FOXN3: variants seen among roughly 807,000 people sequenced by gnomAD.
FOXN3 encodes the protein forkhead box protein N3.
In FOXN3, 7 loss-of-function variants were observed where a neutral mutation model predicts 38.4. The observed-to-expected ratio is 0.18, with a 90% CI of 0.10 to 0.34. The LOEUF (loss-of-function observed/expected upper bound fraction) is 0.34, where lower values mean the gene tolerates loss of function less well. FOXN3 is among the 10% of genes least tolerant of loss of function. The pLI is 1.00. For synonymous variants in FOXN3, 230 were observed against 242.2 expected (o/e 0.95, Z 0.47); for missense variants, 456 against 613.4 (o/e 0.74, Z 2.71).
At chr14:89,173,023 A>T (rs1483841463) in intron 5 of FOXN3, among the ~76,000 whole-genome samples, 1 of 152,184 alleles carries the variant, frequency 6.6e-6, no homozygotes, top group African/African-American at 2.4e-5. Context: ...AAAGAGAGTG[A>T]AAAGACCATC....
rs140065240 is a variant in FOXN3, at chr14:89,221,633, T to C, written c.746-40827A>G. ...AACTTCCTCACTGGATCAAAGGCCT[T>C]TGTCAGACTTTCGCCACTGTTTGTC... On this transcript the variant is annotated intron_variant, in intron 4 of 5. Transcript: ENST00000557258. Among the ~76,000 whole-genome samples the C allele has an allele frequency of 4.0e-3, 606 of 152,308 alleles. 7 individuals carry two copies. Among genetic ancestry groups the C allele is most frequent in the African/African-American group, 0.014 (586 of 41,562 alleles).
At chr14:89,357,163 C>G (rs1451509356) in intron 2 of FOXN3, among the ~76,000 whole-genome samples, 1 of 152,090 alleles carries the variant, frequency 6.6e-6, no homozygotes, top group African/African-American at 2.4e-5. Flanking sequence ...CCAGCCTGGG[C>G]AATACAGTGA....
upstream of FOXN3, chr14:89,419,845 A>G (rs1285117415): frequency 6.6e-6 from 1 of 152,274 alleles, no homozygotes; most frequent in East Asian, 1.9e-4. Context: ...ATAGTTAAGT[A>G]TAAAACCCGA....
At chr14:89,541,137 T>C (rs1424516553) in intron 1 of FOXN3, among the ~76,000 whole-genome samples, 1 of 152,178 alleles carries the variant, frequency 6.6e-6, no homozygotes, top group African/African-American at 2.4e-5. Flanking sequence ...TTGTTGGATA[T>C]ATGAATGGAA....
At chr14:89,236,196 G>A (rs1337269525) in intron 4 of FOXN3, among the ~76,000 whole-genome samples, 1 of 152,208 alleles carries the variant, frequency 6.6e-6, no homozygotes, top group African/African-American at 2.4e-5. Flanking sequence ...TCACAAGAGC[G>A]ACTGGAAGCC....
intron 4 of FOXN3, among the ~76,000 whole-genome samples, chr14:89,204,074 C>T (rs1041832745): frequency 1.3e-5 from 2 of 148,172 alleles, no homozygotes; most frequent in Non-Finnish European, 3.1e-5. Flanking sequence ...CACACACACA[C>T]ACACACACAC....
chr14:89,552,278 T>G (rs923556461), intron 1 of FOXN3, among the ~76,000 whole-genome samples: 2 of 152,246 alleles, frequency 1.3e-5, no homozygotes, highest in Admixed American at 6.5e-5. Context: ...AGAAAAATTC[T>G]GTGAAAATAT....
At chr14:89,233,298 G>A (rs1423464331) in intron 4 of FOXN3, among the ~76,000 whole-genome samples, 1 of 152,150 alleles carries the variant, frequency 6.6e-6, no homozygotes, top group East Asian at 1.9e-4. Context: ...CACCCTGCAG[G>A]AGGAGGACAG....
intron 2 of FOXN3, among the ~76,000 whole-genome samples, chr14:89,398,226 G>C (rs141617062): frequency 1.7e-3 from 255 of 152,230 alleles, no homozygotes; most frequent in Non-Finnish European, 2.8e-3. Context: ...GTCATCCCCA[G>C]TCCCCAGGAT....
At chr14:89,216,601 A>G (rs1462967370) in intron 4 of FOXN3, among the ~76,000 whole-genome samples, 2 of 152,098 alleles carry the variant, frequency 1.3e-5, no homozygotes, top group African/African-American at 4.8e-5. Flanking sequence ...GCTCTTCTCC[A>G]TCCTTCAAGA....
intron 2 of FOXN3, among the ~76,000 whole-genome samples, chr14:89,374,290 A>AAAAAAAAAAG (rs60304712): frequency 6.3e-5 from 8 of 126,160 alleles, no homozygotes; most frequent in East Asian, 2.7e-4. Flanking sequence ...AAAAAAAAAA[A>AAAAAAAAAAG]GAAGGAAGGA....
intron 1 of FOXN3, among the ~76,000 whole-genome samples, chr14:89,552,259 A>G (rs990225104): frequency 5.3e-5 from 8 of 152,314 alleles, no homozygotes; most frequent in African/African-American, 1.9e-4. Context: ...TGTTTACTGA[A>G]GTGGGGCCAG....
At chr14:89,280,891 G>A in intron 4 of FOXN3, 59 bp downstream of exon 4, 8 of 1,443,488 alleles carry the variant, frequency 5.5e-6, no homozygotes, top group Non-Finnish European at 7.8e-6. Context: ...GCACAAAGGA[G>A]TGATGAAAGG....
chr14:89,196,943 T>C (rs1888113920), intron 4 of FOXN3, among the ~76,000 whole-genome samples: 1 of 152,202 alleles, frequency 6.6e-6, no homozygotes, highest in African/African-American at 2.4e-5. Flanking sequence ...CTTCAGCACC[T>C]CTGAGCTGAC....
At chr14:89,350,851 T>A in intron 2 of FOXN3, 43 bp from the exon 3 acceptor site, 1 of 1,426,112 alleles carries the variant, frequency 7.0e-7, no homozygotes, top group Non-Finnish European at 9.3e-7. Flanking sequence ...TAGAGAATTA[T>A]TAAGTACTTT....
intron 3 of FOXN3, among the ~76,000 whole-genome samples, chr14:89,322,076 G>C (rs1471162289): frequency 6.6e-6 from 1 of 152,208 alleles, no homozygotes; most frequent in Non-Finnish European, 1.5e-5. Context: ...TGGGTGCCAG[G>C]GCCACAGTTG....
chr14:89,183,296 A>G (rs751089981), intron 4 of FOXN3, among the ~76,000 whole-genome samples: 4 of 152,180 alleles, frequency 2.6e-5, no homozygotes, highest in Non-Finnish European at 5.9e-5. Context: ...GATATAATGA[A>G]CCATGCTGAT....
intron 4 of FOXN3, among the ~76,000 whole-genome samples, chr14:89,191,948 GTATATATATATATACACA>G (rs1437905826): frequency 8.5e-6 from 1 of 117,966 alleles, no homozygotes; most frequent in African/African-American, 4.7e-5. Flanking sequence ...ACTGATATTA[GTATATATATATATACACA>G]TATATATAAC....
intron 1 of FOXN3, among the ~76,000 whole-genome samples, chr14:89,524,296 A>AC (rs1355405702): frequency 4.4e-5 from 6 of 136,656 alleles, no homozygotes; most frequent in Non-Finnish European, 9.3e-5. Flanking sequence ...ATGGTGTGAA[A>AC]CCCGGGGGGC....
Sources: gnomAD v4.1 joint callset for allele counts (sites outside exome capture counted in the v4.1 genomes callset) on GRCh38, gnomAD v4.1.1 for gene constraint, MANE v1.5 for transcripts, NCBI Gene and HGNC (gene_info 2026-07-23, HGNC 2026-07-21) for gene names.